Variants in LRMDA observed in about 807,000 individuals in gnomAD.
LRMDA encodes leucine rich melanocyte differentiation associated.
Under a neutral mutation model 29.8 loss-of-function variants are expected in LRMDA, and 18 were observed. That is an observed-to-expected ratio of 0.60 (90% CI 0.42 to 0.90). LRMDA has a LOEUF of 0.90. LRMDA is among the 40% of genes least tolerant of loss of function. The probability of loss-of-function intolerance (pLI) is 0.00; values close to 1 mark genes in which losing one functional copy is unlikely to be tolerated. For synonymous variants in LRMDA, 125 were observed against 109.4 expected, an observed-to-expected ratio of 1.14 and a Z score of -0.89; for missense variants, 273 against 273.9, an observed-to-expected ratio of 1.00 and a Z score of 0.02.
rs560417695 is a variant in LRMDA, at chr10:75,974,357, T to C, written c.132-61651T>C. Among the ~76,000 whole-genome samples the C allele has an allele frequency of 2.2e-4, 34 of 152,310 alleles. No individual in the cohort carries two copies. In the South Asian group the frequency reaches 6.6e-3, roughly 30 times the overall value. On this transcript the variant is annotated intron_variant, in intron 2 of 6. Coordinates refer to ENST00000611255, the MANE Select transcript of LRMDA (RefSeq NM_001305581.2). ...ATTGCTACCTCCAAAATATCATTGT[T>C]AGTCATTTCCTTTCTGGAGTTAGAC...
rs1296950836 is a variant in LRMDA at position 75,431,655 on chromosome 10, TGCCGCGCTCCCCGCTGCTGCC to T, written c.-62_-42del. 10 of 1,219,712 alleles carry T rather than the reference TGCCGCGCTCCCCGCTGCTGCC, an allele frequency of 8.2e-6. No individual in the cohort carries two copies. In the African/African-American group the frequency reaches 1.3e-4, roughly 16 times the overall value. 75.6% of individuals were successfully genotyped at this position (1,219,712 alleles called of 1,614,324 possible). A position where few individuals can be genotyped will look rare whatever the true frequency, so the allele number is the denominator to read the frequency against. On this transcript the variant is annotated 5_prime_UTR_variant, in exon 1 of 7. Coordinates refer to ENST00000611255, the MANE Select transcript of LRMDA (RefSeq NM_001305581.2). Reference sequence around the variant, plus strand: ...GAACTGTGCGCCCGCCGCGCTCCCCTGCCGCGCTCCCCGCTGCTGCCGCCGCGCCCCCGCGCTCCGTCCCGC... The same window carrying T: ...GAACTGTGCGCCCGCCGCGCTCCCCTGCCGCGCCCCCGCGCTCCGTCCCGC...
At chr10:75,472,307 A>G (rs1844736612) in intron 2 of LRMDA, among the ~76,000 whole-genome samples, 1 of 152,200 alleles carries the variant, frequency 6.6e-6, no homozygotes. Context: ...AGGAGGCAGA[A>G]GGGCCTACCA....
At chr10:76,150,470 C>T (rs1321137213) in intron 5 of LRMDA, among the ~76,000 whole-genome samples, 2 of 152,210 alleles carry the variant, frequency 1.3e-5, no homozygotes, top group Non-Finnish European at 1.5e-5. Flanking sequence ...AGGAAACTCC[C>T]TCAGCAATGC....
At chr10:76,505,433 A>C (rs971932501) in intron 6 of LRMDA, among the ~76,000 whole-genome samples, 1 of 152,068 alleles carries the variant, frequency 6.6e-6, no homozygotes. Flanking sequence ...ATAACCATAT[A>C]TTTCTCAGAT....
At chr10:75,874,818 C>T (rs1845169481) in intron 2 of LRMDA, among the ~76,000 whole-genome samples, 1 of 152,166 alleles carries the variant, frequency 6.6e-6, no homozygotes, top group African/African-American at 2.4e-5. Context: ...GGATAAGTCA[C>T]AGAAGATGAG....
At chr10:76,182,811 G>C (rs1384730596) in intron 5 of LRMDA, among the ~76,000 whole-genome samples, 1 of 152,178 alleles carries the variant, frequency 6.6e-6, no homozygotes, top group Non-Finnish European at 1.5e-5. Context: ...ACATTCTCAA[G>C]GGTGAAGACT....
intron 6 of LRMDA, among the ~76,000 whole-genome samples, chr10:76,494,929 C>T (rs1411363367): frequency 1.3e-5 from 2 of 151,784 alleles, no homozygotes; most frequent in Non-Finnish European, 2.9e-5. Context: ...ATTATTTTGG[C>T]CAGAAAATAT....
intron 2 of LRMDA, among the ~76,000 whole-genome samples, chr10:75,568,325 T>G (rs1229152074): frequency 6.6e-6 from 1 of 152,262 alleles, no homozygotes; most frequent in Non-Finnish European, 1.5e-5. Context: ...GCCTCCTGGT[T>G]CAGAACATAA....
chr10:76,552,597 A>G (rs1843509335), intron 6 of LRMDA, among the ~76,000 whole-genome samples: 1 of 152,232 alleles, frequency 6.6e-6, no homozygotes, highest in South Asian at 2.1e-4. Flanking sequence ...CAGAGCTAAA[A>G]TGAACCTCTG....
At chr10:75,889,502 C>A (rs1449815693) in intron 2 of LRMDA, among the ~76,000 whole-genome samples, 3 of 152,130 alleles carry the variant, frequency 2.0e-5, no homozygotes, top group Non-Finnish European at 4.4e-5. Flanking sequence ...AGTAACATTG[C>A]AATGGATTAT....
chr10:76,406,766 C>T (rs1841906311), intron 6 of LRMDA, among the ~76,000 whole-genome samples: 1 of 152,142 alleles, frequency 6.6e-6, no homozygotes, highest in South Asian at 2.1e-4. Flanking sequence ...GGGGCCTTCC[C>T]TGGAGCAGAT....
chr10:75,869,852 CCT>C (rs1278816256), intron 2 of LRMDA, among the ~76,000 whole-genome samples: 1 of 152,182 alleles, frequency 6.6e-6, no homozygotes, highest in Non-Finnish European at 1.5e-5. Context: ...ATCCACCACT[CCT>C]CTTTTTCATG....
At chr10:75,978,361 T>C (rs1447057519) in intron 2 of LRMDA, among the ~76,000 whole-genome samples, 2 of 152,206 alleles carry the variant, frequency 1.3e-5, no homozygotes, top group East Asian at 3.9e-4. Flanking sequence ...GCTTGTGCTC[T>C]TGTCATTCTG....
intron 2 of LRMDA, among the ~76,000 whole-genome samples, chr10:75,797,701 G>A (rs1181098911): frequency 1.3e-5 from 2 of 152,080 alleles, no homozygotes; most frequent in Admixed American, 6.6e-5. Flanking sequence ...AGATTCATTC[G>A]TTTTGTGGCA....
chr10:76,471,331 A>G (rs1002569146), intron 6 of LRMDA, among the ~76,000 whole-genome samples: 2 of 151,904 alleles, frequency 1.3e-5, no homozygotes, highest in African/African-American at 4.8e-5. Context: ...AGAGCTATAT[A>G]GGTGCAATTT....
At chr10:76,072,920 T>C (rs1848897228) in intron 5 of LRMDA, among the ~76,000 whole-genome samples, 4 of 152,212 alleles carry the variant, frequency 2.6e-5, no homozygotes, top group Admixed American at 2.0e-4. Flanking sequence ...GGCCTTCCAG[T>C]CTCCATGTTT....
chr10:75,548,043 A>G (rs895673709), intron 2 of LRMDA, among the ~76,000 whole-genome samples: 3 of 152,056 alleles, frequency 2.0e-5, no homozygotes, highest in African/African-American at 7.2e-5. Flanking sequence ...TTCAGCATTA[A>G]TCATTCTGTA....
intron 2 of LRMDA, among the ~76,000 whole-genome samples, chr10:75,796,378 G>T (rs1285939605): frequency 6.6e-6 from 1 of 152,114 alleles, no homozygotes; most frequent in Non-Finnish European, 1.5e-5. Context: ...AGTTTATCAT[G>T]AATGGGTATT....
At chr10:75,454,833 G>C (rs1844497763) in intron 2 of LRMDA, among the ~76,000 whole-genome samples, 1 of 152,164 alleles carries the variant, frequency 6.6e-6, no homozygotes. Flanking sequence ...CCTTACCTGG[G>C]GTATAGAAAA....
Sources: gnomAD v4.1 joint callset for allele counts (sites outside exome capture counted in the v4.1 genomes callset) on GRCh38, gnomAD v4.1.1 for gene constraint, MANE v1.5 for transcripts, NCBI Gene and HGNC (gene_info 2026-07-23, HGNC 2026-07-21) for gene names.